Variants in FGF12 observed in about 807,000 individuals in gnomAD.
FGF12 encodes the protein fibroblast growth factor 12.
A neutral mutation model predicts 23.6 loss-of-function variants in FGF12; 14 were observed. The ratio of observed to expected loss-of-function variants is 0.59; its 90% confidence interval spans 0.39 to 0.93. The LOEUF (loss-of-function observed/expected upper bound fraction) is 0.93, where lower values mean the gene tolerates loss of function less well. Among genes scored for constraint, FGF12 ranks in the 40% least tolerant of loss-of-function variants. FGF12 has a pLI of 0.00. For synonymous variants in FGF12, 62 were observed against 77.3 expected (o/e 0.80, Z 1.04); for missense variants, 175 against 217.8 (o/e 0.80, Z 1.24).
intron 4 of FGF12, among the ~76,000 whole-genome samples, chr3:192,269,681 T>C (rs986246749): frequency 6.6e-6 from 1 of 152,216 alleles, no homozygotes; most frequent in Non-Finnish European, 1.5e-5. Flanking sequence ...TTTTCTGCAG[T>C]TGCAGAGTCT....
intron 2 of FGF12, among the ~76,000 whole-genome samples, chr3:192,472,668 G>A (rs532598299): frequency 6.6e-6 from 1 of 152,184 alleles, no homozygotes; most frequent in South Asian, 2.1e-4. Flanking sequence ...AGTAGGAAGG[G>A]AGAGAGTCAT....
chr3:192,618,786 A>G (rs895667577), intron 2 of FGF12, among the ~76,000 whole-genome samples: 9 of 151,906 alleles, frequency 5.9e-5, no homozygotes, highest in African/African-American at 1.9e-4. Context: ...AAAAAACAGT[A>G]AGAGGATTTG....
intron 4 of FGF12, among the ~76,000 whole-genome samples, chr3:192,325,689 G>C (rs4438608): frequency 2.0e-5 from 3 of 151,962 alleles, no homozygotes. Flanking sequence ...ATCTTTTTAG[G>C]ATGGAACAGA....
intron 2 of FGF12, among the ~76,000 whole-genome samples, chr3:192,542,055 T>G (rs1229876745): frequency 6.7e-6 from 1 of 149,550 alleles, no homozygotes; most frequent in Non-Finnish European, 1.5e-5. Context: ...GTATTTTTAG[T>G]GGAGACGGGG....
rs182609026 is a variant in FGF12, at chr3:192,422,147, G to A, written c.14-61609C>T. Among the ~76,000 whole-genome samples, 3 of 152,130 alleles carry A rather than the reference G, an allele frequency of 2.0e-5. No individual in the cohort carries two copies. The East Asian group carries it at 5.8e-4, about 29-fold the overall frequency. On this transcript the variant is annotated intron_variant, in intron 2 of 5. Coordinates refer to ENST00000445105, the MANE Select transcript of FGF12 (RefSeq NM_004113.6). ...TTTGTAATAATTTGGATAAAAGACA[G>A]AGATAATTCTATAGTGAGGAGAGTC...
At chr3:192,474,901 G>GAAAT (rs1723275530) in intron 2 of FGF12, among the ~76,000 whole-genome samples, 1 of 143,446 alleles carries the variant, frequency 7.0e-6, no homozygotes, top group Admixed American at 6.8e-5. Context: ...AAAAAAAAAA[G>GAAAT]AAAGAAAGGA....
chr3:192,353,421 G>A (rs569222801), intron 3 of FGF12, among the ~76,000 whole-genome samples: 1 of 140,280 alleles, frequency 7.1e-6, no homozygotes, highest in South Asian at 2.4e-4. Flanking sequence ...CCAGGCTGGA[G>A]TGCAGTGGCA....
chr3:192,377,967 C>CA (rs1719598177), intron 2 of FGF12, among the ~76,000 whole-genome samples: 55 of 142,834 alleles, frequency 3.9e-4, no homozygotes, highest in African/African-American at 1.6e-3. Flanking sequence ...GAAAAAATGT[C>CA]TTTTCTGGTA....
chr3:192,633,258 CTGGTTTTGAATTCCTGACCTCAAG>C (rs1215395063), intron 2 of FGF12, among the ~76,000 whole-genome samples: 1 of 151,998 alleles, frequency 6.6e-6, no homozygotes, highest in African/African-American at 2.4e-5. Flanking sequence ...GTTGGTCAGG[CTGGTTTTGAATTCCTGACCTCAAG>C]TGATCCGCCT....
intron 2 of FGF12, among the ~76,000 whole-genome samples, chr3:192,572,691 A>G (rs1306281014): frequency 2.6e-5 from 4 of 152,192 alleles, no homozygotes; most frequent in Non-Finnish European, 5.9e-5. Context: ...TACCCCTTAG[A>G]CTATTTTTAG....
intron 2 of FGF12, among the ~76,000 whole-genome samples, chr3:192,591,773 T>C (rs1713635558): frequency 6.6e-6 from 1 of 151,948 alleles, no homozygotes; most frequent in African/African-American, 2.4e-5. Flanking sequence ...AAAGGAACTG[T>C]AATTATTTTC....
chr3:192,202,750 C>T (rs1409705128), intron 4 of FGF12, among the ~76,000 whole-genome samples: 5 of 152,036 alleles, frequency 3.3e-5, no homozygotes, highest in Non-Finnish European at 5.9e-5. Context: ...TTGAGGATAC[C>T]AGTAATTACC....
At chr3:192,218,271 G>GTCTC (rs1398528004) in intron 4 of FGF12, among the ~76,000 whole-genome samples, 2 of 152,200 alleles carry the variant, frequency 1.3e-5, no homozygotes, top group African/African-American at 2.4e-5. Context: ...AAATAAGTAA[G>GTCTC]GAGATACTGG....
At chr3:192,509,421 A>C (rs1305502098) in intron 2 of FGF12, among the ~76,000 whole-genome samples, 1 of 152,184 alleles carries the variant, frequency 6.6e-6, no homozygotes, top group African/African-American at 2.4e-5. Flanking sequence ...TGCCTGGCAA[A>C]ACTGCAGCAG....
chr3:192,692,566 G>T (rs1717976358), intron 2 of FGF12, among the ~76,000 whole-genome samples: 1 of 151,908 alleles, frequency 6.6e-6, no homozygotes, highest in Admixed American at 6.6e-5. Context: ...TTAGCCAGGT[G>T]TGGTGGTGTG....
At chr3:192,333,939 G>A (rs1253274408) in intron 4 of FGF12, among the ~76,000 whole-genome samples, 2 of 151,970 alleles carry the variant, frequency 1.3e-5, no homozygotes, top group African/African-American at 4.8e-5. Context: ...AAATGATTTT[G>A]GGGGGGAGTT....
At chr3:192,642,157 C>T (rs1221492544) in intron 2 of FGF12, among the ~76,000 whole-genome samples, 1 of 152,238 alleles carries the variant, frequency 6.6e-6, no homozygotes, top group Non-Finnish European at 1.5e-5. Flanking sequence ...GTCGACACCT[C>T]CTTTTCAAAC....
At chr3:192,247,453 C>T (rs935119332) in intron 4 of FGF12, among the ~76,000 whole-genome samples, 1 of 152,180 alleles carries the variant, frequency 6.6e-6, no homozygotes, top group Admixed American at 6.5e-5. Context: ...ATGGACTCTG[C>T]TCACCTCACA....
intron 2 of FGF12, among the ~76,000 whole-genome samples, chr3:192,445,697 G>A (rs1043719898): frequency 5.3e-5 from 8 of 152,076 alleles, no homozygotes; most frequent in East Asian, 1.9e-4. Context: ...CGTTTTGCAC[G>A]TGGCAAGGTT....
Sources: gnomAD v4.1 joint callset for allele counts (sites outside exome capture counted in the v4.1 genomes callset) on GRCh38, gnomAD v4.1.1 for gene constraint, MANE v1.5 for transcripts, NCBI Gene and HGNC (gene_info 2026-07-23, HGNC 2026-07-21) for gene names.